The following DYNC1LI1 variants were observed in gnomAD, a reference collection of about 807,000 sequenced individuals.
DYNC1LI1 encodes the protein cytoplasmic dynein 1 light intermediate chain 1.
DYNC1LI1 carries 19 observed loss-of-function variants against 63.8 expected under a neutral mutation model. The observed-to-expected ratio is 0.30, with a 90% CI of 0.21 to 0.44. DYNC1LI1 has a LOEUF of 0.44. Among genes scored for constraint, DYNC1LI1 ranks in the 20% least tolerant of loss-of-function variants. The pLI is 1.00. For missense variants in DYNC1LI1, 565 were observed against 630.2 expected (o/e 0.90, Z 1.11); for synonymous variants, 225 against 232.3 (o/e 0.97, Z 0.28).
At chr3:32,559,267 G>A (rs1698158185) in intron 2 of DYNC1LI1, among the ~76,000 whole-genome samples, 1 of 151,898 alleles carries the variant, frequency 6.6e-6, no homozygotes, top group Admixed American at 6.6e-5. Context: ...GTGTGAGACA[G>A]GGCAACTCTG....
At position 32,532,963 on chromosome 3, in the gene DYNC1LI1, A is replaced by T. The variant is rs370484421; in HGVS notation, c.1080+23T>A. On this transcript the variant is annotated intron_variant, in intron 8 of 12. Coordinates refer to ENST00000273130, the MANE Select transcript of DYNC1LI1 (RefSeq NM_016141.4). ...AGGTTAGTCTAAAGTCTAAATATTGAGATTATTTACTAAAATGGTTACCTT... is the reference window on the plus strand; with the variant it reads ...AGGTTAGTCTAAAGTCTAAATATTGTGATTATTTACTAAAATGGTTACCTT... 21 of 1,555,830 alleles carry T rather than the reference A, an allele frequency of 1.3e-5. 1 individual carries two copies. In the Middle Eastern group the frequency reaches 6.8e-4, roughly 50 times the overall value.
intron 1 of DYNC1LI1, 34 bp from the exon 2 acceptor site, chr3:32,570,453 G>T: frequency 6.4e-7 from 1 of 1,557,340 alleles, no homozygotes; most frequent in Non-Finnish European, 8.7e-7. Context: ...TGAGGCCGGA[G>T]GCCGGAGCCG....
At chr3:32,558,466 A>G (rs192732104) in intron 2 of DYNC1LI1, among the ~76,000 whole-genome samples, 2 of 152,054 alleles carry the variant, frequency 1.3e-5, no homozygotes, top group African/African-American at 4.8e-5. Flanking sequence ...CATGGTCACC[A>G]AAACAGTACA....
chr3:32,564,462 G>C (rs539797732), intron 2 of DYNC1LI1, among the ~76,000 whole-genome samples: 1 of 152,254 alleles, frequency 6.6e-6, no homozygotes, highest in East Asian at 1.9e-4. Flanking sequence ...ATTATCCATG[G>C]CTGTTTTGGA....
chr3:32,530,201 G>T, intron 10 of DYNC1LI1, 83 bp downstream of exon 10: 1 of 1,151,164 alleles, frequency 8.7e-7, no homozygotes, highest in Non-Finnish European at 1.2e-6. Flanking sequence ...ACACCCATAT[G>T]AAATATGTAC....
At chr3:32,564,254 C>T (rs146786753) in intron 2 of DYNC1LI1, among the ~76,000 whole-genome samples, 10 of 152,328 alleles carry the variant, frequency 6.6e-5, no homozygotes, top group African/African-American at 2.4e-4. Flanking sequence ...TTTGAGGCTG[C>T]AATAAGTTAT....
chr3:32,555,076 C>A (rs1211473672), intron 2 of DYNC1LI1, among the ~76,000 whole-genome samples: 1 of 151,894 alleles, frequency 6.6e-6, no homozygotes, highest in Non-Finnish European at 1.5e-5. Context: ...CACCATGTTG[C>A]CCAGGCTAGT....
chr3:32,534,541 G>A lies in DYNC1LI1; in HGVS notation c.938C>T (p.Ala313Val). The A allele has an allele frequency of 6.3e-7, 1 of 1,593,894 alleles. No homozygotes were observed. The highest frequency in any genetic ancestry group is 1.1e-5 in the South Asian group (1 of 89,200). ...KLYGFPYKIP[A>V]VVVEKDAVFI... is the part of the protein sequence containing the mutation. ...TACTGCATCCTTTTCCACAACAACA[G>A]CAGGAATCTTATAGGGAAATCCATA... The change falls in exon 7 of 13, where the codon GCT becomes GTT. Residue 313 changes from alanine (A) to valine (V), a missense_variant. By Grantham distance (64) the Ala-to-Val change is moderately conservative. Coordinates refer to ENST00000273130, the MANE Select transcript of DYNC1LI1 (RefSeq NM_016141.4).
chr3:32,529,745 G>T, intron 10 of DYNC1LI1, 85 bp from the exon 11 acceptor site: 1 of 1,219,722 alleles, frequency 8.2e-7, no homozygotes, highest in Non-Finnish European at 1.1e-6. Flanking sequence ...AAATTACTTT[G>T]CAACTATCCC....
rs1697751026 is a variant in DYNC1LI1 at position 32,534,666 on chromosome 3, A to G, written c.833-20T>C. ...CACCATCTGAATAATATGGTTAAAGAAAAATTCTGGACAAATGTCATGAGC... is the reference window on the plus strand; with the variant it reads ...CACCATCTGAATAATATGGTTAAAGGAAAATTCTGGACAAATGTCATGAGC... On this transcript the variant is annotated intron_variant, in intron 6 of 12. Transcript: ENST00000273130. 3 of 1,513,188 alleles carry G rather than the reference A, an allele frequency of 2.0e-6. No individual in the cohort carries two copies. The African/African-American group carries it at 4.3e-5, about 21-fold the overall frequency. The allele number at this position is 1,513,188 out of a possible 1,614,324, so 93.7% of individuals were successfully genotyped here.
At position 32,539,991 on chromosome 3, in the gene DYNC1LI1, A is replaced by AGTAGCT. The variant is rs1380440025; in HGVS notation, c.738+1040_738+1045dup. On this transcript the variant is annotated intron_variant, in intron 5 of 12. Coordinates refer to ENST00000273130, the MANE Select transcript of DYNC1LI1 (RefSeq NM_016141.4). ...GCCATTCTCCCGCTTCAGCCTCCTG[A>AGTAGCT]GTAGCTGGGACTAAAGGCGCCCGCC... 4.0e-5 allele frequency among the ~76,000 whole-genome samples: 6 copies of AGTAGCT among 150,908 alleles called. No individual in the cohort carries two copies. In the East Asian group the frequency reaches 1.2e-3, roughly 30 times the overall value.
intron 2 of DYNC1LI1, among the ~76,000 whole-genome samples, chr3:32,550,939 T>C (rs1262265703): frequency 6.6e-6 from 1 of 151,176 alleles, no homozygotes; most frequent in African/African-American, 2.4e-5. Flanking sequence ...GCCTGGGTGA[T>C]CAAGTGAGAT....
chr3:32,545,936 T>C lies in DYNC1LI1; in HGVS notation c.250A>G (p.Ile84Val). ...TCCTCTATTCCCTGAATTTTTCTTA[T>C]TAAGCTTGTTTTTCCAGCTCCATCT... ...GEDGAGKTSL[I>V]RKIQGIEEYK... The change falls in exon 3 of 13, where the codon ATA becomes GTA. Residue 84 changes from isoleucine (I) to valine (V), a missense_variant. Transcript: ENST00000273130. 6.2e-7 allele frequency: 1 copy of C among 1,611,780 alleles called. No homozygotes were observed. The highest frequency in any genetic ancestry group is 8.5e-7 in the Non-Finnish European group (1 of 1,178,410).
intron 2 of DYNC1LI1, among the ~76,000 whole-genome samples, chr3:32,559,688 C>G (rs952356639): frequency 6.6e-5 from 10 of 152,170 alleles, no homozygotes; most frequent in African/African-American, 2.4e-4. Flanking sequence ...ACGCATGCCA[C>G]TGTTTGACAT....
At chr3:32,530,710 G>A in intron 8 of DYNC1LI1, 190 bp from the exon 9 acceptor site, 2 of 569,062 alleles carry the variant, frequency 3.5e-6, no homozygotes, top group South Asian at 2.3e-5. Flanking sequence ...ACTAGCTACA[G>A]TTTTGGAAAT....
intron 5 of DYNC1LI1, among the ~76,000 whole-genome samples, chr3:32,538,633 G>A (rs568128980): frequency 2.3e-4 from 35 of 152,108 alleles, no homozygotes; most frequent in Non-Finnish European, 4.0e-4. Flanking sequence ...CCTAGGAGGC[G>A]GAGCTCGCTG....
intron 2 of DYNC1LI1, among the ~76,000 whole-genome samples, chr3:32,547,845 T>G (rs944753405): frequency 6.6e-6 from 1 of 152,140 alleles, no homozygotes; most frequent in Non-Finnish European, 1.5e-5. Flanking sequence ...CAAGATATGG[T>G]ATCAACCTAA....
intron 9 of DYNC1LI1, 55 bp downstream of exon 9, chr3:32,530,406 C>T: frequency 6.2e-7 from 1 of 1,601,408 alleles, no homozygotes; most frequent in Non-Finnish European, 8.5e-7. Context: ...AAAATACACA[C>T]AAGAACAGTT....
At chr3:32,561,354 C>A (rs765807631) in intron 2 of DYNC1LI1, among the ~76,000 whole-genome samples, 9 of 151,900 alleles carry the variant, frequency 5.9e-5, no homozygotes, top group Non-Finnish European at 1.3e-4. Context: ...TGTGGCCAGG[C>A]GTGGTGGCTC....
Sources: gnomAD v4.1 joint callset for allele counts (sites outside exome capture counted in the v4.1 genomes callset) on GRCh38, gnomAD v4.1.1 for gene constraint, MANE v1.5 for transcripts, NCBI Gene and HGNC (gene_info 2026-07-23, HGNC 2026-07-21) for gene names.